NINL: variants seen among roughly 807,000 people sequenced by gnomAD.
NINL encodes ninein-like protein.
Under a neutral mutation model 160.3 loss-of-function variants are expected in NINL, and 153 were observed. That is an observed-to-expected ratio of 0.95 (90% confidence interval 0.84 to 1.09). The LOEUF is 1.09. NINL is among the 50% of genes least tolerant of loss of function. The probability of loss-of-function intolerance (pLI) is 0.00; values close to 1 mark genes in which losing one functional copy is unlikely to be tolerated. For synonymous variants in NINL, 800 were observed against 734.8 expected, an observed-to-expected ratio of 1.09 and a Z score of -1.43; for missense variants, 1,829 against 1,764.0, an observed-to-expected ratio of 1.04 and a Z score of -0.66.
At chr20:25,491,669 A>G (rs2063642006) in intron 10 of NINL, 144 bp from the exon 11 acceptor site, 2 of 950,254 alleles carry the variant, frequency 2.1e-6, no homozygotes, top group Non-Finnish European at 3.0e-6. Context: ...TGAGCTGCCC[A>G]TGCTGGGAGG....
At chr20:25,508,631 A>G (rs2064007660) in intron 5 of NINL, among the ~76,000 whole-genome samples, 1 of 152,318 alleles carries the variant, frequency 6.6e-6, no homozygotes, top group South Asian at 2.1e-4. Context: ...GGACACACGC[A>G]ATGCTGCCAC....
intron 1 of NINL, among the ~76,000 whole-genome samples, chr20:25,548,056 G>A (rs2064757162): frequency 6.6e-6 from 1 of 152,192 alleles, no homozygotes; most frequent in African/African-American, 2.4e-5. Context: ...GGGATCCACT[G>A]GGCAGATGCA....
intron 3 of NINL, among the ~76,000 whole-genome samples, chr20:25,513,721 T>C (rs2064115636): frequency 6.6e-6 from 1 of 152,054 alleles, no homozygotes; most frequent in Admixed American, 6.6e-5. Context: ...TGAGTTCTCA[T>C]GAGATCTGGT....
In NINL at chr20:25,510,664, G is replaced by A. The variant is rs2064051585; in HGVS notation, c.517+10C>T. Reference sequence around the variant, plus strand: ...GGCAGAGAGCACTGAATGCGAGGCTGAGGCTTTACCTTGTGCTTCAAATAA... The same window carrying A: ...GGCAGAGAGCACTGAATGCGAGGCTAAGGCTTTACCTTGTGCTTCAAATAA... On this transcript the variant is annotated intron_variant, in intron 5 of 23. Coordinates refer to ENST00000278886, the MANE Select transcript of NINL (RefSeq NM_025176.6). 2 of 1,613,258 alleles carry A rather than the reference G, an allele frequency of 1.2e-6. No homozygotes were observed. Among genetic ancestry groups the A allele is most frequent in the Non-Finnish European group, 1.7e-6 (2 of 1,179,560 alleles).
At chr20:25,491,017 TG>T (rs1193399351) in intron 11 of NINL, among the ~76,000 whole-genome samples, 1 of 152,256 alleles carries the variant, frequency 6.6e-6, no homozygotes, top group Non-Finnish European at 1.5e-5. Flanking sequence ...CTGGTCTCTT[TG>T]CTGCCCCCAT....
chr20:25,514,874 G>A (rs573923160), intron 3 of NINL, among the ~76,000 whole-genome samples: 1 of 152,348 alleles, frequency 6.6e-6, no homozygotes, highest in East Asian at 1.9e-4. Flanking sequence ...GAGGGCAAGA[G>A]TTGAGGCTTG....
chr20:25,548,626 C>T (rs1303428247), intron 1 of NINL, among the ~76,000 whole-genome samples: 1 of 148,776 alleles, frequency 6.7e-6, no homozygotes, highest in Non-Finnish European at 1.5e-5. Flanking sequence ...CACCTACGGC[C>T]ACACGTCCCA....
chr20:25,576,378 G>A (rs943725696), intron 1 of NINL, among the ~76,000 whole-genome samples: 1 of 152,196 alleles, frequency 6.6e-6, no homozygotes, highest in African/African-American at 2.4e-5. Flanking sequence ...GACAGTAACT[G>A]CAATCGCTTG....
At chr20:25,584,258 G>A (rs2065204030) in intron 1 of NINL, among the ~76,000 whole-genome samples, 1 of 152,158 alleles carries the variant, frequency 6.6e-6, no homozygotes, top group Non-Finnish European at 1.5e-5. Flanking sequence ...ATCACCTGAA[G>A]GTCAGAAGTT....
chr20:25,559,668 A>G (rs2064909579), intron 1 of NINL, among the ~76,000 whole-genome samples: 1 of 152,102 alleles, frequency 6.6e-6, no homozygotes, highest in Non-Finnish European at 1.5e-5. Context: ...TGGCCCCATC[A>G]GAGCTAATTG....
chr20:25,549,750 T>A (rs1600325704), intron 1 of NINL, among the ~76,000 whole-genome samples: 1 of 152,334 alleles, frequency 6.6e-6, no homozygotes, highest in Middle Eastern at 3.4e-3. Context: ...ACACGCCCAT[T>A]CAGCCCGGTT....
chr20:25,565,821 A>G (rs929466801), intron 1 of NINL, among the ~76,000 whole-genome samples: 2 of 152,182 alleles, frequency 1.3e-5, no homozygotes, highest in Admixed American at 6.5e-5. Context: ...GAACAAAAAC[A>G]GAGAAAAGGC....
intron 2 of NINL, among the ~76,000 whole-genome samples, chr20:25,524,959 G>A (rs1258643521): frequency 2.0e-5 from 3 of 148,550 alleles, no homozygotes; most frequent in Admixed American, 6.7e-5. Flanking sequence ...ATAAATAAAC[G>A]GGACCATCTG....
chr20:25,496,659 C>A lies in NINL; in HGVS notation c.1310+4G>T. 5 of 1,613,858 alleles carry A rather than the reference C, an allele frequency of 3.1e-6. No individual in the cohort carries two copies. Among genetic ancestry groups the A allele is most frequent in the Non-Finnish European group, 4.2e-6 (5 of 1,179,924 alleles). On this transcript the variant is annotated splice_donor_region_variant and intron_variant, in intron 10 of 23. Transcript: ENST00000278886. ...AGAATCCACCACCTGGGCCCAGAAC[C>A]CACTTGATTTTCTTCTCCGTGAGCT...
Position 25,476,257 on chromosome 20 carries a change from G to A in NINL, c.3034C>T (p.His1012Tyr). 1 of 1,613,928 alleles carries A rather than the reference G, an allele frequency of 6.2e-7. No individual in the cohort carries two copies. The highest frequency in any genetic ancestry group is 1.1e-5 in the South Asian group (1 of 91,082). ...EGALEPGCHK[H>Y]SVEVARRGSL... ...CCTCTCCTGGCAACCTCCACACTGT[G>A]CTTGTGACACCCAGGCTCCAGGGCG... The change falls in exon 17 of 24, where the codon CAC becomes TAC. Residue 1012 changes from histidine to tyrosine, a missense_variant. Physicochemically the swap from His to Tyr is moderately conservative, Grantham distance 83. Transcript: ENST00000278886.
chr20:25,571,275 G>A (rs1455373637), intron 1 of NINL, among the ~76,000 whole-genome samples: 1 of 152,194 alleles, frequency 6.6e-6, no homozygotes, highest in African/African-American at 2.4e-5. Flanking sequence ...TCATCATTAA[G>A]GAAACACAAA....
chr20:25,470,042 C>G lies in NINL; in HGVS notation c.3302G>C (p.Gly1101Ala). 1.2e-6 allele frequency: 2 copies of G among 1,614,148 alleles called. No homozygotes were observed. Among genetic ancestry groups the G allele is most frequent in the Non-Finnish European group, 1.7e-6 (2 of 1,180,014 alleles). Residue 1101 changes from glycine to alanine, a missense_variant, in exon 18 of 24, where the codon GGA (glycine) becomes GCA (alanine). Gly to Ala is a moderately conservative substitution (Grantham distance 60). Coordinates refer to ENST00000278886, the MANE Select transcript of NINL (RefSeq NM_025176.6). ...AGCTTCAAGCTCTTGCCGAACCCTT[C>G]CCAGATCGTTTTTCAACAAAGTGTT... ...EENTLLKNDL[G>A]RVRQELEAAE... is the part of the protein sequence containing the mutation.
At chr20:25,525,274 G>A (rs1345604116) in intron 2 of NINL, among the ~76,000 whole-genome samples, 1 of 152,246 alleles carries the variant, frequency 6.6e-6, no homozygotes, top group Non-Finnish European at 1.5e-5. Context: ...TAGGCCAGCA[G>A]TGAGTGGTTC....
At chr20:25,530,631 G>A (rs572118767) in intron 1 of NINL, among the ~76,000 whole-genome samples, 1 of 152,204 alleles carries the variant, frequency 6.6e-6, no homozygotes, top group African/African-American at 2.4e-5. Flanking sequence ...ACAAAAGAGA[G>A]AAATTTTAAA....
Sources: allele counts gnomAD v4.1 joint callset (sites outside exome capture counted in the v4.1 genomes callset), GRCh38; gene constraint gnomAD v4.1.1; transcripts MANE v1.5; gene names NCBI Gene and HGNC (gene_info 2026-07-23, HGNC 2026-07-21).